CEP126: variants seen among roughly 807,000 people sequenced by gnomAD.
The protein encoded by CEP126 is centrosomal protein of 126 kDa.
Under a neutral mutation model 107.8 loss-of-function variants are expected in CEP126, and 74 were observed. The observed-to-expected ratio is 0.69, with a 90% confidence interval of 0.57 to 0.83. The LOEUF is 0.83. Among genes scored for constraint, CEP126 ranks in the 40% least tolerant of loss-of-function variants. The pLI is 0.00. For synonymous variants in CEP126, 449 were observed against 446.0 expected (o/e 1.01, Z -0.08); for missense variants, 1,237 against 1,281.9 (o/e 0.96, Z 0.53).
At position 101,951,021 on chromosome 11, in the gene CEP126, A is replaced by G. The variant is rs188790973; in HGVS notation, c.506+2879A>G. On this transcript the variant is annotated intron_variant, in intron 4 of 10. Transcript: ENST00000263468. ...AAATTATTGGAATAACCCAAGGGATAGATCCTTACTGCCTAAACCAGAACA... is the reference window on the plus strand; with the variant it reads ...AAATTATTGGAATAACCCAAGGGATGGATCCTTACTGCCTAAACCAGAACA... 1.6e-3 allele frequency among the ~76,000 whole-genome samples: 238 copies of G among 152,342 alleles called. 1 individual carries two copies. Among genetic ancestry groups the G allele is most frequent in the African/African-American group, 5.2e-3 (218 of 41,578 alleles).
chr11:101,948,011 G>A lies in CEP126; in HGVS notation c.395-20G>A, dbSNP rs779331801. 4.2e-5 allele frequency: 59 copies of A among 1,411,330 alleles called. No homozygotes were observed. In the East Asian group the frequency reaches 9.8e-4, roughly 23 times the overall value. 87.4% of individuals were successfully genotyped at this position (1,411,330 alleles called of 1,614,324 possible). A position where few individuals can be genotyped will look rare whatever the true frequency, so the allele number is the denominator to read the frequency against. The stretch of plus-strand genomic sequence containing the variant: ...AAGATAAAGTGATTCTGTACTGTTC[G>A]GTCTTTATTATCTCTTTAGTTTCCC... On this transcript the variant is annotated intron_variant, in intron 3 of 10. Coordinates refer to ENST00000263468, the MANE Select transcript of CEP126 (RefSeq NM_020802.4).
At chr11:101,959,305 G>A (rs868754610) in intron 5 of CEP126, among the ~76,000 whole-genome samples, 77 of 151,916 alleles carry the variant, frequency 5.1e-4, no homozygotes, top group Middle Eastern at 3.4e-3. Context: ...ACAGGTGCCC[G>A]CCACCACGCC....
intron 6 of CEP126, among the ~76,000 whole-genome samples, chr11:101,969,854 A>G (rs1019222055): frequency 6.6e-6 from 1 of 152,214 alleles, no homozygotes; most frequent in African/African-American, 2.4e-5. Flanking sequence ...CAAAGAGTTC[A>G]TCTTATAATT....
rs1941014999 is a variant in CEP126, at chr11:101,963,532, A to G, written c.2497A>G (p.Ile833Val). The G allele has an allele frequency of 1.2e-6, 2 of 1,614,072 alleles. No homozygotes were observed. The highest frequency in any genetic ancestry group is 2.2e-5 in the South Asian group (2 of 91,050). The change falls in exon 6 of 11, where the codon ATT (isoleucine) becomes GTT (valine). Residue 833 changes from isoleucine to valine, a missense_variant. Transcript: ENST00000263468. ...AACTCCTGAAAATCCTCAAAACATT[A>G]TTACACATAACTCTTTTAATTCAAA... Reference protein sequence around the residue: ...PVTPENPQNIITHNSFNSKHV... With the variant: ...PVTPENPQNIVTHNSFNSKHV...
At chr11:101,918,284 C>T (rs1940262648) in intron 1 of CEP126, among the ~76,000 whole-genome samples, 1 of 151,990 alleles carries the variant, frequency 6.6e-6, no homozygotes, top group South Asian at 2.1e-4. Flanking sequence ...CATATCTCTA[C>T]AAAAAATACA....
intron 6 of CEP126, among the ~76,000 whole-genome samples, chr11:101,973,138 A>T (rs1941153685): frequency 6.6e-6 from 1 of 152,218 alleles, no homozygotes; most frequent in South Asian, 2.1e-4. Context: ...CTACTGATGC[A>T]CATGTTGCTG....
At chr11:101,988,363 T>C (rs372541501) in intron 9 of CEP126, among the ~76,000 whole-genome samples, 6 of 152,258 alleles carry the variant, frequency 3.9e-5, no homozygotes, top group African/African-American at 1.4e-4. Context: ...TTATCCACAG[T>C]ATATCTTAGA....
At chr11:101,950,797 T>C (rs560060290) in intron 4 of CEP126, among the ~76,000 whole-genome samples, 2 of 152,260 alleles carry the variant, frequency 1.3e-5, no homozygotes, top group African/African-American at 4.8e-5. Context: ...GATCTAGAAA[T>C]GTAGATTGTG....
chr11:101,963,395 T>C lies in CEP126; in HGVS notation c.2360T>C (p.Val787Ala), dbSNP rs1370406125. ...AVIQPQSASK[V>A]NIFTQAQGKL... The stretch of plus-strand genomic sequence containing the variant: ...ATTCAACCACAGTCTGCAAGCAAAG[T>C]CAACATATTTACACAAGCTCAGGGA... The change falls in exon 6 of 11, where the codon GTC (valine) becomes GCC (alanine). Residue 787 changes from valine (V) to alanine (A), a missense_variant. By Grantham distance (64) the Val-to-Ala change is moderately conservative. This residue lies in a region of CEP126 where 1,134 missense variants were observed against 1,150.5 expected (regional missense o/e 0.99). Coordinates refer to ENST00000263468, the MANE Select transcript of CEP126 (RefSeq NM_020802.4). 8 of 1,613,956 alleles carry C rather than the reference T, an allele frequency of 5.0e-6. No homozygotes were observed. The Admixed American group carries it at 1.2e-4, about 24-fold the overall frequency.
chr11:102,000,734 A>G lies in CEP126; in HGVS notation c.*3091A>G, dbSNP rs1458088955. 1 of 152,158 alleles carries G rather than the reference A, an allele frequency of 6.6e-6. No homozygotes were observed. Among genetic ancestry groups the G allele is most frequent in the African/African-American group, 2.4e-5 (1 of 41,448 alleles). 9.4% of individuals were successfully genotyped at this position (152,158 alleles called of 1,614,324 possible). The stretch of plus-strand genomic sequence containing the variant: ...GAGAGAGATAGTAATCTCTTGGGCA[A>G]AAGGTATCAAATAATTGAAAGAAAA... On this transcript the variant is annotated 3_prime_UTR_variant, in exon 11 of 11. Coordinates refer to ENST00000263468, the MANE Select transcript of CEP126 (RefSeq NM_020802.4).
intron 2 of CEP126, among the ~76,000 whole-genome samples, chr11:101,940,820 A>G (rs1248259425): frequency 6.6e-6 from 1 of 152,204 alleles, no homozygotes; most frequent in East Asian, 1.9e-4. Context: ...TGGAGTGAGC[A>G]TTCCAGAAGT....
chr11:101,918,213 C>T (rs1486350667), intron 1 of CEP126, among the ~76,000 whole-genome samples: 8 of 152,054 alleles, frequency 5.3e-5, no homozygotes, highest in African/African-American at 1.7e-4. Context: ...TTTGGGAGGC[C>T]GAGGTAGGCA....
At chr11:101,956,658 T>G (rs1940899707) in intron 4 of CEP126, 1 of 456,306 alleles carries the variant, frequency 2.2e-6, no homozygotes, top group Non-Finnish European at 4.4e-6. Context: ...CCTTCATCTA[T>G]CCCTCTTTTT....
chr11:101,995,040 C>A (rs1004270818), intron 10 of CEP126, among the ~76,000 whole-genome samples: 1 of 152,122 alleles, frequency 6.6e-6, no homozygotes, highest in South Asian at 2.1e-4. Flanking sequence ...CCACCCCCGA[C>A]AGGCCCTGGC....
chr11:101,930,222 G>C (rs1166041828), intron 2 of CEP126, among the ~76,000 whole-genome samples: 1 of 151,528 alleles, frequency 6.6e-6, no homozygotes, highest in Admixed American at 6.6e-5. Flanking sequence ...AGACCCCCAG[G>C]GATACCAAAA....
chr11:101,979,577 G>A (rs1002480170), intron 7 of CEP126, among the ~76,000 whole-genome samples: 3 of 151,858 alleles, frequency 2.0e-5, no homozygotes, highest in African/African-American at 4.8e-5. Context: ...GCAAGACCTC[G>A]TCTCTGCAAA....
At chr11:101,917,029 TG>T (rs34977212) in intron 1 of CEP126, among the ~76,000 whole-genome samples, 299 of 5,774 alleles carry the variant, frequency 0.052, 1 homozygote, top group African/African-American at 0.09. Flanking sequence ...AATCCAACAA[TG>T]TGTGTGTGTG....
intron 6 of CEP126, among the ~76,000 whole-genome samples, chr11:101,972,341 G>A (rs544316293): frequency 6.6e-6 from 1 of 151,882 alleles, no homozygotes; most frequent in East Asian, 1.9e-4. Context: ...CAGGAGAATG[G>A]TGTGATCCTG....
rs2137124443 is a variant in CEP126, at chr11:101,978,218, C to T, written c.2846-129C>T. The T allele has an allele frequency of 4.4e-6, 3 of 676,410 alleles. No homozygotes were observed. The South Asian group carries it at 5.4e-5, about 12-fold the overall frequency. 41.9% of individuals were successfully genotyped at this position (676,410 alleles called of 1,614,324 possible). On this transcript the variant is annotated intron_variant, in intron 6 of 10. Coordinates refer to ENST00000263468, the MANE Select transcript of CEP126 (RefSeq NM_020802.4). ...AGCATATAAGAGGAGCTCAATAAAGCATGCTAACTGAATGAATTAAACTTA... is the reference window on the plus strand; with the variant it reads ...AGCATATAAGAGGAGCTCAATAAAGTATGCTAACTGAATGAATTAAACTTA...
Sources: allele counts gnomAD v4.1 joint callset (sites outside exome capture counted in the v4.1 genomes callset), GRCh38; gene constraint gnomAD v4.1.1; regional missense constraint gnomAD v4.1.1; transcripts MANE v1.5; gene names NCBI Gene and HGNC (gene_info 2026-07-23, HGNC 2026-07-21).